UVRAG: variants seen among roughly 807,000 people sequenced by gnomAD.
UVRAG encodes the protein UV radiation resistance-associated gene protein.
Under a neutral mutation model 78.0 loss-of-function variants are expected in UVRAG, and 19 were observed. The ratio of observed to expected loss-of-function variants is 0.24; its 90% CI spans 0.17 to 0.36. The LOEUF (loss-of-function observed/expected upper bound fraction) is 0.36. UVRAG is among the 10% of genes least tolerant of loss of function. The pLI, the probability that UVRAG is intolerant of heterozygous loss-of-function variation, is 1.00. For synonymous variants in UVRAG, 323 were observed against 324.6 expected (o/e 1.00, Z 0.05); for missense variants, 740 against 853.8 (o/e 0.87, Z 1.66).
intron 7 of UVRAG, among the ~76,000 whole-genome samples, chr11:75,974,350 T>C (rs1184031462): frequency 6.9e-6 from 1 of 144,398 alleles, no homozygotes; most frequent in East Asian, 2.1e-4. Flanking sequence ...ATAAATGTCT[T>C]CTTTTTTTTT....
At chr11:76,111,097 A>G (rs1193781268) in intron 13 of UVRAG, among the ~76,000 whole-genome samples, 5 of 152,036 alleles carry the variant, frequency 3.3e-5, no homozygotes, top group African/African-American at 1.2e-4. Context: ...CAAGCAGTCT[A>G]CCCGCCTGAA....
intron 12 of UVRAG, among the ~76,000 whole-genome samples, chr11:76,048,613 T>C (rs1009380561): frequency 2.0e-5 from 3 of 152,194 alleles, no homozygotes; most frequent in African/African-American, 4.8e-5. Flanking sequence ...GCTCTGAAAT[T>C]GGGCAAGATG....
chr11:76,031,024 A>T (rs1394018371), intron 12 of UVRAG, among the ~76,000 whole-genome samples: 1 of 152,138 alleles, frequency 6.6e-6, no homozygotes, highest in Non-Finnish European at 1.5e-5. Context: ...TTTTGTAGAC[A>T]CTCAATAAAT....
chr11:75,849,898 A>T (rs540242888), intron 1 of UVRAG, among the ~76,000 whole-genome samples: 2 of 152,398 alleles, frequency 1.3e-5, no homozygotes, highest in Admixed American at 1.3e-4. Context: ...CAATGAAAGC[A>T]GAGATTTATT....
At chr11:76,088,752 C>T (rs1413573840) in intron 13 of UVRAG, among the ~76,000 whole-genome samples, 1 of 152,184 alleles carries the variant, frequency 6.6e-6, no homozygotes, top group African/African-American at 2.4e-5. Flanking sequence ...AGGATCCAAC[C>T]AGGCCAACTT....
intron 12 of UVRAG, among the ~76,000 whole-genome samples, chr11:76,058,325 G>A (rs1053430116): frequency 6.6e-6 from 1 of 152,056 alleles, no homozygotes; most frequent in African/African-American, 2.4e-5. Context: ...GAGCCCAGGA[G>A]TTCAAGACCA....
intron 13 of UVRAG, among the ~76,000 whole-genome samples, chr11:76,102,600 A>G (rs1359637770): frequency 6.6e-6 from 1 of 152,046 alleles, no homozygotes; most frequent in Non-Finnish European, 1.5e-5. Context: ...GACTTCCAAT[A>G]CTATGTCAAA....
intron 7 of UVRAG, among the ~76,000 whole-genome samples, chr11:75,964,996 A>G (rs1230107090): frequency 6.6e-6 from 1 of 152,124 alleles, no homozygotes; most frequent in Non-Finnish European, 1.5e-5. Context: ...AAACTCACTT[A>G]TTATCATAGA....
At chr11:75,961,063 G>A (rs1279581851) in intron 6 of UVRAG, among the ~76,000 whole-genome samples, 1 of 150,630 alleles carries the variant, frequency 6.6e-6, no homozygotes, top group East Asian at 2.0e-4. Flanking sequence ...AGAAGTAATT[G>A]TCACCTTTGA....
chr11:75,943,204 T>G (rs536784739), intron 6 of UVRAG, among the ~76,000 whole-genome samples: 1 of 152,252 alleles, frequency 6.6e-6, no homozygotes, highest in East Asian at 1.9e-4. Context: ...TTGGTAGCGT[T>G]TTTAGTTTCT....
chr11:75,816,476 T>C (rs959438925), intron 1 of UVRAG, among the ~76,000 whole-genome samples: 1 of 152,238 alleles, frequency 6.6e-6, no homozygotes, highest in Admixed American at 6.5e-5. Flanking sequence ...GAAACTGTCA[T>C]TTACTGAGAA....
chr11:75,841,433 CT>C (rs1945906561), intron 1 of UVRAG, among the ~76,000 whole-genome samples: 1 of 152,058 alleles, frequency 6.6e-6, no homozygotes, highest in South Asian at 2.1e-4. Flanking sequence ...GATTTACTCC[CT>C]GATCTACATT....
At chr11:75,880,096 C>A (rs990362324) in intron 4 of UVRAG, 56 bp downstream of exon 4, 27 of 1,582,522 alleles carry the variant, frequency 1.7e-5, no homozygotes, top group African/African-American at 5.4e-5. Flanking sequence ...ACGTGTCTAA[C>A]CTTTCTGTTG....
intron 13 of UVRAG, among the ~76,000 whole-genome samples, chr11:76,066,630 G>A (rs1462622552): frequency 1.3e-5 from 2 of 151,878 alleles, no homozygotes; most frequent in African/African-American, 2.4e-5. Context: ...ATGCCACCAC[G>A]CTCAGCTAAT....
chr11:75,916,152 GT>G (rs1483920591), intron 6 of UVRAG: 1 of 152,058 alleles, frequency 6.6e-6, no homozygotes, highest in East Asian at 1.9e-4. Context: ...GCTTTTGCCA[GT>G]TTAATAAGTG....
At chr11:76,002,972 G>A (rs1346402973) in intron 8 of UVRAG, among the ~76,000 whole-genome samples, 1 of 152,022 alleles carries the variant, frequency 6.6e-6, no homozygotes, top group Non-Finnish European at 1.5e-5. Flanking sequence ...AGATACTTAG[G>A]AGGCTGAGGC....
intron 8 of UVRAG, among the ~76,000 whole-genome samples, chr11:75,989,321 T>G (rs1159120745): frequency 6.6e-6 from 1 of 152,138 alleles, no homozygotes; most frequent in African/African-American, 2.4e-5. Context: ...AGTGCTAGGA[T>G]TACAGGTGTG....
intron 7 of UVRAG, among the ~76,000 whole-genome samples, chr11:75,974,351 C>CT (rs1188190094): frequency 0.049 from 4,122 of 83,712 alleles, 812 homozygotes; most frequent in East Asian, 0.15. Flanking sequence ...TAAATGTCTT[C>CT]TTTTTTTTTT....
rs115780063 is a variant in UVRAG at position 75,966,640 on chromosome 11, T to C, written c.699+5091T>C. 4.9e-3 allele frequency among the ~76,000 whole-genome samples: 753 copies of C among 152,342 alleles called. 8 individuals carry two copies. The highest frequency in any genetic ancestry group is 0.017 in the African/African-American group (709 of 41,576). On this transcript the variant is annotated intron_variant, in intron 7 of 14. Coordinates refer to ENST00000356136, the MANE Select transcript of UVRAG (RefSeq NM_003369.4). ...TCCTCCCTAGAGAGTGAGTCACATT[T>C]TCCTGACTCTTCATATATTGGGTAA...
Sources: gnomAD v4.1 joint callset for allele counts (sites outside exome capture counted in the v4.1 genomes callset) on GRCh38, gnomAD v4.1.1 for gene constraint, MANE v1.5 for transcripts, NCBI Gene and HGNC (gene_info 2026-07-23, HGNC 2026-07-21) for gene names.